SEH1L: variants seen among roughly 807,000 people sequenced by gnomAD.
SEH1L encodes the protein nucleoporin SEH1.
Under a neutral mutation model 49.5 loss-of-function variants are expected in SEH1L, and 18 were observed. That is an observed-to-expected ratio of 0.36 (90% CI 0.25 to 0.54). The LOEUF is 0.54. Among genes scored for constraint, SEH1L ranks in the 20% least tolerant of loss-of-function variants. SEH1L has a pLI of 0.87. For synonymous variants in SEH1L, 169 were observed against 178.1 expected, an observed-to-expected ratio of 0.95 and a Z score of 0.41; for missense variants, 404 against 528.8, an observed-to-expected ratio of 0.76 and a Z score of 2.31.
At chr18:12,984,904 A>G (rs936134059) in intron 8 of SEH1L, 1 of 191,496 alleles carries the variant, frequency 5.2e-6, no homozygotes, top group Non-Finnish European at 1.1e-5. Context: ...TTGTTATCCT[A>G]TATAAAAGAA....
intron 3 of SEH1L, among the ~76,000 whole-genome samples, chr18:12,958,204 C>T (rs1302307963): frequency 6.7e-6 from 1 of 148,580 alleles, no homozygotes; most frequent in Admixed American, 6.9e-5. Flanking sequence ...CTGCCTCAGT[C>T]TCCTGAGTAG....
chr18:12,986,656 A>G, intron 8 of SEH1L: 1 of 1,208,028 alleles, frequency 8.3e-7, no homozygotes, highest in Non-Finnish European at 1.0e-6. Flanking sequence ...TTGCTTAAGC[A>G]ATCTTGATTT....
chr18:12,954,406 TC>T (rs1241278190), intron 2 of SEH1L, among the ~76,000 whole-genome samples: 3 of 152,228 alleles, frequency 2.0e-5, no homozygotes, highest in African/African-American at 7.2e-5. Context: ...GACTGTATTG[TC>T]AGTTAAAATC....
At chr18:12,982,906 A>G (rs866003173) in intron 7 of SEH1L, 30 of 366,940 alleles carry the variant, frequency 8.2e-5, no homozygotes, top group Non-Finnish European at 1.2e-4. Flanking sequence ...AGTAATTACA[A>G]CAGAATATGC....
chr18:12,963,308 G>T lies in SEH1L; in HGVS notation c.458G>T (p.Trp153Leu), dbSNP rs753933659. 2 of 1,614,106 alleles carry T rather than the reference G, an allele frequency of 1.2e-6. No individual in the cohort carries two copies. The highest frequency in any genetic ancestry group is 1.7e-6 in the Non-Finnish European group (2 of 1,179,994). ...EAPDVMNLSQ[W>L]SLQHEISCKL... Reference sequence around the variant, plus strand: ...CCAGATGTTATGAATCTCAGCCAGTGGTCTTTGCAGCATGAGATCTCATGT... The same window carrying T: ...CCAGATGTTATGAATCTCAGCCAGTTGTCTTTGCAGCATGAGATCTCATGT... Residue 153 changes from tryptophan (W) to leucine (L), a missense_variant, in exon 4 of 9, where the codon TGG becomes TTG. Physicochemically the swap from Trp to Leu is moderately conservative, Grantham distance 61. Around this residue, in one of 3 missense-constraint regions of SEH1L, gnomAD observed 342 missense variants for 430.8 expected, o/e 0.79. Coordinates refer to ENST00000399892, the MANE Select transcript of SEH1L (RefSeq NM_001013437.2).
At position 12,948,157 on chromosome 18, in the gene SEH1L, G is replaced by A; in HGVS notation, c.36G>A (p.Lys12=). ...FVARSIAADH[K]DLIHDVSFDF... ...CTCGCAGCATCGCGGCGGACCACAA[G>A]GATCTCATCCACGATGTCTCTTTCG... The change falls in exon 1 of 9, where the codon AAG becomes AAA. Residue 12 remains lysine (K), a synonymous_variant. Transcript: ENST00000399892. 2 of 1,610,680 alleles carry A rather than the reference G, an allele frequency of 1.2e-6. No individual in the cohort carries two copies. The highest frequency in any genetic ancestry group is 1.7e-6 in the Non-Finnish European group (2 of 1,179,052).
Position 12,960,555 on chromosome 18 carries a change from C to T in SEH1L, c.310-2605C>T, listed in dbSNP as rs114172110. Among the ~76,000 whole-genome samples the T allele has an allele frequency of 9.9e-3, 1,501 of 152,304 alleles. 21 individuals carry two copies. The highest frequency in any genetic ancestry group is 0.034 in the African/African-American group (1,421 of 41,562). ...TTGAGTGGCTATTCAGACTGTTTTA[C>T]AGCTCTTCTCAGGGGAGGAGTATGT... On this transcript the variant is annotated intron_variant, in intron 3 of 8. Transcript: ENST00000399892.
At chr18:12,949,892 G>A (rs949728669) in intron 1 of SEH1L, among the ~76,000 whole-genome samples, 7 of 151,976 alleles carry the variant, frequency 4.6e-5, no homozygotes, top group Admixed American at 2.6e-4. Context: ...ACCCTGTTCC[G>A]CCACCCCATC....
chr18:12,979,612 G>A lies in SEH1L; in HGVS notation c.761+720G>A, dbSNP rs1455557032. 2.4e-3 allele frequency among the ~76,000 whole-genome samples: 357 copies of A among 151,866 alleles called. 1 individual carries two copies. Among genetic ancestry groups the A allele is most frequent in the South Asian group, 6.7e-3 (32 of 4,802 alleles). On this transcript the variant is annotated intron_variant, in intron 6 of 8. Transcript: ENST00000399892. ...ACCTCCCAGACGGGGTGGTGGCTGG[G>A]CAGAGGGGCTCCTCACTTCCCAGTA...
At chr18:12,972,620 C>T (rs575841557) in intron 5 of SEH1L, 7 of 152,286 alleles carry the variant, frequency 4.6e-5, no homozygotes, top group African/African-American at 1.7e-4. Context: ...CCCGTGGGCT[C>T]TGCAATTCCA....
At chr18:12,962,690 C>T (rs1046958938) in intron 3 of SEH1L, among the ~76,000 whole-genome samples, 16 of 150,110 alleles carry the variant, frequency 1.1e-4, no homozygotes, top group African/African-American at 2.0e-4. Context: ...CCAGGCTGGT[C>T]TTGAACTCCT....
chr18:12,952,845 G>A (rs2030628082), intron 2 of SEH1L, among the ~76,000 whole-genome samples: 1 of 148,962 alleles, frequency 6.7e-6, no homozygotes, highest in South Asian at 2.1e-4. Flanking sequence ...GCAGTGGTGC[G>A]ATGTTGGCTC....
chr18:12,986,890 CG>C lies in SEH1L; in HGVS notation c.1102del (p.Ala368LeufsTer20). 3.1e-6 allele frequency: 5 copies of C among 1,607,250 alleles called. No homozygotes were observed. Among genetic ancestry groups the C allele is most frequent in the Non-Finnish European group, 4.3e-6 (5 of 1,175,812 alleles). On this transcript the variant is annotated frameshift_variant, in exon 9 of 9. Coordinates refer to ENST00000399892, the MANE Select transcript of SEH1L (RefSeq NM_001013437.2). LOFTEE classifies it high-confidence loss of function. The part of the protein sequence containing the change: ...RYFFTPLDSP[R>X]AGSRWSSYAQ... Reference sequence around the variant, plus strand: ...TTTCTTTACCCCTCTGGATTCCCCACGGGCTGGATCGAGATGGTCCAGTTAT... The same window carrying C: ...TTTCTTTACCCCTCTGGATTCCCCACGGCTGGATCGAGATGGTCCAGTTAT...
chr18:12,984,300 CAT>C (rs1376672842), intron 8 of SEH1L, 110 bp downstream of exon 8: 16 of 1,160,286 alleles, frequency 1.4e-5, no homozygotes, highest in Admixed American at 4.0e-5. Context: ...GAAATGTTCA[CAT>C]GTGCTTGTAT....
chr18:12,983,092 G>C (rs1176756731), intron 7 of SEH1L: 1 of 153,258 alleles, frequency 6.5e-6, no homozygotes, highest in African/African-American at 2.4e-5. Context: ...GCTCCCATAA[G>C]TTAAGAGCCT....
chr18:12,958,752 G>A (rs1480566477), intron 3 of SEH1L, among the ~76,000 whole-genome samples: 1 of 152,140 alleles, frequency 6.6e-6, no homozygotes, highest in East Asian at 1.9e-4. Flanking sequence ...TTCATTTGTA[G>A]ATGGACCCTT....
intron 5 of SEH1L, 117 bp from the exon 6 acceptor site, chr18:12,978,635 T>C (rs1220050947): frequency 5.1e-6 from 4 of 789,294 alleles, no homozygotes; most frequent in Non-Finnish European, 8.2e-6. Context: ...TTGAGCCCAC[T>C]ACAGAGGTGA....
chr18:12,979,884 C>G (rs1309384805), intron 6 of SEH1L, among the ~76,000 whole-genome samples: 4 of 137,264 alleles, frequency 2.9e-5, no homozygotes, highest in African/African-American at 5.6e-5. Context: ...CTGACCCCCC[C>G]ACCTCCTTCG....
chr18:12,979,511 C>G (rs924154734), intron 6 of SEH1L, among the ~76,000 whole-genome samples: 1 of 152,148 alleles, frequency 6.6e-6, no homozygotes, highest in Admixed American at 6.5e-5. Flanking sequence ...TCAATCTTTT[C>G]CCCACCTTTC....
Sources: gnomAD v4.1 joint callset for allele counts (sites outside exome capture counted in the v4.1 genomes callset) on GRCh38, gnomAD v4.1.1 for gene constraint, gnomAD v4.1.1 regional missense constraint, MANE v1.5 for transcripts, NCBI Gene and HGNC (gene_info 2026-07-23, HGNC 2026-07-21) for gene names.